The following TM7SF3 variants were observed in gnomAD, a reference collection of about 807,000 sequenced individuals.
TM7SF3 encodes the protein seven span transmembrane protein.
A neutral mutation model predicts 65.5 loss-of-function variants in TM7SF3; 60 were observed. The observed-to-expected ratio is 0.92, with a 90% CI of 0.74 to 1.14. The LOEUF is 1.14. Among genes scored for constraint, TM7SF3 ranks in the 50% most tolerant of loss-of-function variants. TM7SF3 has a pLI of 0.00. For missense variants in TM7SF3, 623 were observed against 684.8 expected (o/e 0.91, Z 1.01); for synonymous variants, 264 against 259.6 (o/e 1.02, Z -0.16).
chr12:26,987,886 A>C (rs1940167317), intron 6 of TM7SF3, among the ~76,000 whole-genome samples: 1 of 152,214 alleles, frequency 6.6e-6, no homozygotes, highest in South Asian at 2.1e-4. Flanking sequence ...AGACAAATAA[A>C]TAAAGAGACA....
At chr12:26,979,168 A>G (rs1471137225) in intron 9 of TM7SF3, 1 of 152,316 alleles carries the variant, frequency 6.6e-6, no homozygotes, top group East Asian at 1.9e-4. Flanking sequence ...TGTCACAGAA[A>G]GGAAACAACC....
chr12:26,984,941 G>C (rs1939977582), intron 6 of TM7SF3, among the ~76,000 whole-genome samples: 1 of 152,156 alleles, frequency 6.6e-6, no homozygotes, highest in Non-Finnish European at 1.5e-5. Flanking sequence ...TAGTTAGGAG[G>C]CAATATGGAT....
chr12:27,007,506 C>A (rs1356754687), intron 1 of TM7SF3, among the ~76,000 whole-genome samples: 1 of 151,752 alleles, frequency 6.6e-6, no homozygotes, highest in African/African-American at 2.4e-5. Flanking sequence ...TACACCCTGG[C>A]TATCCATTAC....
intron 3 of TM7SF3, 134 bp from the exon 4 acceptor site, chr12:26,996,996 C>T (rs1940627241): frequency 2.0e-6 from 2 of 995,446 alleles, no homozygotes; most frequent in Non-Finnish European, 1.4e-6. Flanking sequence ...AGCTTCTAGT[C>T]GTATACTATT....
At chr12:27,006,140 CTTTTT>C in intron 1 of TM7SF3, among the ~76,000 whole-genome samples, 1 of 122,078 alleles carries the variant, frequency 8.2e-6, no homozygotes, top group Non-Finnish European at 1.7e-5. Context: ...TTTTCTTTTT[CTTTTT>C]TTTTTTTTTT....
At chr12:26,977,993 G>A (rs1032912537) in intron 9 of TM7SF3, 1 of 382,586 alleles carries the variant, frequency 2.6e-6, no homozygotes, top group Middle Eastern at 8.5e-4. Context: ...CTACTTGGGA[G>A]GCTGATGTAA....
rs1373602342 is a variant in TM7SF3, at chr12:26,999,648, C to T, written c.275G>A (p.Gly92Asp). The change falls in exon 3 of 12, where the codon GGC becomes GAC. Residue 92 changes from glycine to aspartate, a missense_variant. Transcript: ENST00000343028. ...GATGAAAACCAGTCCACTGGCAGTG[C>T]CTGTTTCCGAGGAATTGGAAAGGAG... ...PTLLSNSSET[G>D]TASGLVFILR... is the part of the protein sequence containing the mutation. 1.2e-6 allele frequency: 2 copies of T among 1,614,080 alleles called. No individual in the cohort carries two copies. The highest frequency in any genetic ancestry group is 1.7e-6 in the Non-Finnish European group (2 of 1,180,028).
At chr12:27,005,640 G>C (rs1941003286) in intron 1 of TM7SF3, among the ~76,000 whole-genome samples, 2 of 152,154 alleles carry the variant, frequency 1.3e-5, no homozygotes, top group East Asian at 1.9e-4. Flanking sequence ...CCCAGGATGA[G>C]GATGAATCAC....
chr12:26,988,721 C>T (rs148156578), intron 6 of TM7SF3, among the ~76,000 whole-genome samples: 2 of 137,278 alleles, frequency 1.5e-5, no homozygotes, highest in African/African-American at 2.7e-5. Context: ...CGTATCTATA[C>T]ATACACAGTC....
Position 27,014,218 on chromosome 12 carries a change from G to T in TM7SF3, c.-50C>A. On this transcript the variant is annotated 5_prime_UTR_variant, in exon 1 of 12. Transcript: ENST00000343028. Reference sequence around the variant, plus strand: ...ACGCCAGGGCTGGGGAGAGGTGCGGGCGTGCGCGCCGGGGCCCCGCAGCCT... The same window carrying T: ...ACGCCAGGGCTGGGGAGAGGTGCGGTCGTGCGCGCCGGGGCCCCGCAGCCT... 1 of 1,529,164 alleles carries T rather than the reference G, an allele frequency of 6.5e-7. No individual in the cohort carries two copies. The highest frequency in any genetic ancestry group is 8.8e-7 in the Non-Finnish European group (1 of 1,133,194). The allele number at this position is 1,529,164 out of a possible 1,614,324, so 94.7% of individuals were successfully genotyped here.
intron 1 of TM7SF3, among the ~76,000 whole-genome samples, chr12:27,010,647 T>C (rs1941210442): frequency 6.6e-6 from 1 of 152,216 alleles, no homozygotes; most frequent in Non-Finnish European, 1.5e-5. Flanking sequence ...TCTTATGACT[T>C]GCAGAGTAGG....
At chr12:27,010,366 T>C (rs142076277) in intron 1 of TM7SF3, among the ~76,000 whole-genome samples, 1 of 152,326 alleles carries the variant, frequency 6.6e-6, no homozygotes, top group East Asian at 1.9e-4. Context: ...AACTAACATG[T>C]ACAGGGCATT....
chr12:27,004,023 G>A (rs1458423212), intron 1 of TM7SF3, among the ~76,000 whole-genome samples: 1 of 152,178 alleles, frequency 6.6e-6, no homozygotes, highest in East Asian at 1.9e-4. Context: ...CTGGAAAAGA[G>A]AGCTTTTGTT....
intron 6 of TM7SF3, chr12:26,983,667 G>A (rs1194140432): frequency 8.0e-6 from 3 of 373,618 alleles, no homozygotes; most frequent in East Asian, 1.5e-4. Context: ...GCTCGCTGAA[G>A]TTTTTCACAA....
At chr12:27,011,480 G>A (rs1379704876) in intron 1 of TM7SF3, among the ~76,000 whole-genome samples, 3 of 152,172 alleles carry the variant, frequency 2.0e-5, no homozygotes, top group South Asian at 2.1e-4. Flanking sequence ...CATCTGCCAC[G>A]TTCCAAGATT....
intron 6 of TM7SF3, 81 bp downstream of exon 6, chr12:26,990,369 G>A (rs1010723815): frequency 1.9e-6 from 2 of 1,057,886 alleles, no homozygotes; most frequent in African/African-American, 1.6e-5. Context: ...AAAGGTATGT[G>A]TTGAATGAAT....
chr12:27,011,736 T>A (rs1238665915), intron 1 of TM7SF3, among the ~76,000 whole-genome samples: 2 of 152,172 alleles, frequency 1.3e-5, no homozygotes, highest in Non-Finnish European at 2.9e-5. Context: ...TTATTATCAC[T>A]CAGCAGTTAA....
intron 2 of TM7SF3, among the ~76,000 whole-genome samples, chr12:27,000,591 C>G (rs11048806): frequency 1.2e-4 from 19 of 152,226 alleles, no homozygotes; most frequent in Admixed American, 1.2e-3. Context: ...TCCCAAGTAG[C>G]TGGGACTACA....
chr12:26,984,257 C>T (rs112420017), intron 6 of TM7SF3, among the ~76,000 whole-genome samples: 143 of 152,014 alleles, frequency 9.4e-4, no homozygotes, highest in African/African-American at 3.3e-3. Context: ...TGGTGAGAAC[C>T]CCGTCTACTA....
Sources: gnomAD v4.1 joint callset for allele counts (sites outside exome capture counted in the v4.1 genomes callset) on GRCh38, gnomAD v4.1.1 for gene constraint, MANE v1.5 for transcripts, NCBI Gene and HGNC (gene_info 2026-07-23, HGNC 2026-07-21) for gene names.